The following SERPINB10 variants were observed in gnomAD, a reference collection of about 807,000 sequenced individuals.
The protein encoded by SERPINB10 is serpin family B member 10.
A neutral mutation model predicts 39.1 loss-of-function variants in SERPINB10; 35 were observed. The ratio of observed to expected loss-of-function variants is 0.90; its 90% CI spans 0.68 to 1.19. The LOEUF is 1.19. Among genes scored for constraint, SERPINB10 ranks in the 50% most tolerant of loss-of-function variants. The pLI is 0.00. For missense variants in SERPINB10, 546 were observed against 460.5 expected (o/e 1.19, Z -1.70); for synonymous variants, 190 against 158.1 (o/e 1.20, Z -1.52).
intron 5 of SERPINB10, among the ~76,000 whole-genome samples, chr18:63,928,645 G>T (rs1032570167): frequency 6.6e-6 from 1 of 151,994 alleles, no homozygotes; most frequent in Non-Finnish European, 1.5e-5. Context: ...CAGTATGGCC[G>T]TTTTCACGAT....
rs932372150 is a variant in SERPINB10 at position 63,925,288 on chromosome 18, C to T, written c.491-4757C>T. On this transcript the variant is annotated intron_variant, in intron 5 of 7. Transcript: ENST00000238508. ...TGTGTATAATGCATACATTTCCTAG[C>T]CCCATTTGCTGAGAGGATCTGGAAG... Among the ~76,000 whole-genome samples the T allele has an allele frequency of 6.6e-5, 10 of 152,006 alleles. 1 individual carries two copies. In the South Asian group the frequency reaches 2.1e-3, roughly 32 times the overall value.
intron 7 of SERPINB10, 47 bp from the exon 8 acceptor site, chr18:63,934,791 C>A (rs1440484383): frequency 6.5e-7 from 1 of 1,543,056 alleles, no homozygotes; most frequent in Non-Finnish European, 8.7e-7. Context: ...GTTTTTCATT[C>A]CACTTTGGAA....
chr18:63,933,981 A>T (rs2050242729), intron 7 of SERPINB10, among the ~76,000 whole-genome samples: 2 of 152,192 alleles, frequency 1.3e-5, no homozygotes, highest in African/African-American at 4.8e-5. Flanking sequence ...ACTGGAGAGG[A>T]TAGTGAAAAT....
At chr18:63,910,378 G>A (rs1035663765) in intron 1 of SERPINB10, among the ~76,000 whole-genome samples, 1 of 151,950 alleles carries the variant, frequency 6.6e-6, no homozygotes, top group African/African-American at 2.4e-5. Context: ...TGATGCTGAG[G>A]TTGAGGTTTG....
At chr18:63,924,212 C>T (rs1254030526) in intron 5 of SERPINB10, among the ~76,000 whole-genome samples, 1 of 151,914 alleles carries the variant, frequency 6.6e-6, no homozygotes, top group Non-Finnish European at 1.5e-5. Context: ...ATCACAATAA[C>T]TTGTCTATGG....
chr18:63,916,927 G>T (rs1309578295), intron 2 of SERPINB10, among the ~76,000 whole-genome samples: 1 of 151,976 alleles, frequency 6.6e-6, no homozygotes, highest in Non-Finnish European at 1.5e-5. Context: ...CAATTCCAAG[G>T]AAAGAAGAGT....
At chr18:63,910,605 C>T (rs1335161218) in intron 1 of SERPINB10, among the ~76,000 whole-genome samples, 1 of 151,954 alleles carries the variant, frequency 6.6e-6, no homozygotes, top group Non-Finnish European at 1.5e-5. Context: ...CTAGTGCATC[C>T]ATGTTGCAGC....
At chr18:63,923,089 G>A (rs1308093067) in intron 5 of SERPINB10, among the ~76,000 whole-genome samples, 2 of 151,848 alleles carry the variant, frequency 1.3e-5, no homozygotes, top group African/African-American at 4.8e-5. Flanking sequence ...GGTCAAATGA[G>A]AGGCACCAAA....
At chr18:63,914,811 T>C (rs2050089667) in intron 1 of SERPINB10, among the ~76,000 whole-genome samples, 1 of 152,032 alleles carries the variant, frequency 6.6e-6, no homozygotes, top group Non-Finnish European at 1.5e-5. Flanking sequence ...GCTGTTTGGT[T>C]GCTTCCATTA....
intron 5 of SERPINB10, among the ~76,000 whole-genome samples, chr18:63,928,266 G>T (rs993543104): frequency 2.0e-5 from 3 of 151,956 alleles, no homozygotes; most frequent in African/African-American, 4.8e-5. Context: ...TTGGCCAAGA[G>T]GTTCTTCTCA....
chr18:63,933,339 A>G (rs1030745400), intron 7 of SERPINB10, 136 bp downstream of exon 7: 1 of 899,634 alleles, frequency 1.1e-6, no homozygotes, highest in African/African-American at 1.7e-5. Flanking sequence ...GAGAAAGGTC[A>G]CCAATGTACC....
rs978313033 is a variant in SERPINB10, at chr18:63,935,510, G to A, written c.*268G>A. ...TTCAGAAGTACTATGCTATTCAACT[G>A]AATGCCTTACAATTCTTGATCACTT... is the stretch of plus-strand genomic sequence containing the variant. On this transcript the variant is annotated 3_prime_UTR_variant, in exon 8 of 8. Transcript: ENST00000238508. The A allele has an allele frequency of 4.4e-5, 15 of 340,206 alleles. No individual in the cohort carries two copies. Among genetic ancestry groups the A allele is most frequent in the Non-Finnish European group, 6.9e-5 (13 of 188,716 alleles). 21.1% of individuals were successfully genotyped at this position (340,206 alleles called of 1,614,324 possible).
At chr18:63,931,787 C>T (rs895202358) in intron 6 of SERPINB10, among the ~76,000 whole-genome samples, 1 of 152,140 alleles carries the variant, frequency 6.6e-6, no homozygotes, top group African/African-American at 2.4e-5. Flanking sequence ...CTATAGTTTA[C>T]ATTTGGGTCC....
At chr18:63,914,019 AC>A (rs769365567) in intron 1 of SERPINB10, among the ~76,000 whole-genome samples, 4 of 151,992 alleles carry the variant, frequency 2.6e-5, no homozygotes, top group Non-Finnish European at 5.9e-5. Context: ...ATTATATAAT[AC>A]CCTTCTTTGT....
chr18:63,917,395 G>A, intron 2 of SERPINB10, 61 bp from the exon 3 acceptor site: 2 of 968,406 alleles, frequency 2.1e-6, no homozygotes, highest in Admixed American at 2.8e-5. Context: ...TACAGATGAT[G>A]TATGATTTAT....
At chr18:63,917,760 T>C (rs2050114697) in intron 3 of SERPINB10, among the ~76,000 whole-genome samples, 1 of 152,048 alleles carries the variant, frequency 6.6e-6, no homozygotes, top group African/African-American at 2.4e-5. Context: ...TTGCCTGCTT[T>C]TGCAAACTAA....
chr18:63,931,513 AT>A (rs2050221873), intron 6 of SERPINB10, among the ~76,000 whole-genome samples: 1 of 152,166 alleles, frequency 6.6e-6, no homozygotes, highest in African/African-American at 2.4e-5. Flanking sequence ...TCGACATAGA[AT>A]GGAAAAGTAA....
chr18:63,922,098 T>C (rs1253703185), intron 5 of SERPINB10, among the ~76,000 whole-genome samples: 2 of 152,006 alleles, frequency 1.3e-5, no homozygotes, highest in African/African-American at 4.8e-5. Context: ...GGACTCTATG[T>C]GCGATAACTC....
chr18:63,932,073 G>C (rs2050226591), intron 6 of SERPINB10, among the ~76,000 whole-genome samples: 1 of 152,128 alleles, frequency 6.6e-6, no homozygotes, highest in African/African-American at 2.4e-5. Flanking sequence ...TCTTTTCAGG[G>C]CTTCATAGAT....
Sources: gnomAD v4.1 joint callset for allele counts (sites outside exome capture counted in the v4.1 genomes callset) on GRCh38, gnomAD v4.1.1 for gene constraint, MANE v1.5 for transcripts, NCBI Gene and HGNC (gene_info 2026-07-23, HGNC 2026-07-21) for gene names.